SKAP2: variants seen among roughly 807,000 people sequenced by gnomAD.
The protein encoded by SKAP2 is src kinase-associated phosphoprotein 2.
SKAP2 carries 28 observed loss-of-function variants against 54.9 expected under a neutral mutation model. The observed-to-expected ratio is 0.51, with a 90% CI of 0.38 to 0.70. The LOEUF is 0.70. Among genes scored for constraint, SKAP2 ranks in the 30% least tolerant of loss-of-function variants. SKAP2 has a pLI of 0.00. For synonymous variants in SKAP2, 137 were observed against 134.3 expected (o/e 1.02, Z -0.14); for missense variants, 356 against 424.1 (o/e 0.84, Z 1.41).
At chr7:26,741,568 A>T (rs948051202) in intron 4 of SKAP2, among the ~76,000 whole-genome samples, 21 of 116,646 alleles carry the variant, frequency 1.8e-4, no homozygotes, top group African/African-American at 5.5e-4. Context: ...ATAAATAAAT[A>T]AATAAATAAA....
rs367595526 is a variant in SKAP2 at position 26,821,709 on chromosome 7, A to G, written c.307+22321T>C. ...TTCCACTTTCTTTATAGATAATATC[A>G]CCTCCCTGAGAAAAGAATCTAAGTA... On this transcript the variant is annotated intron_variant, in intron 4 of 12. Transcript: ENST00000345317. 9.9e-5 allele frequency among the ~76,000 whole-genome samples: 15 copies of G among 152,148 alleles called. 1 individual carries two copies. The highest frequency in any genetic ancestry group is 3.6e-4 in the African/African-American group (15 of 41,498).
chr7:26,806,644 G>A (rs1374238317), intron 4 of SKAP2, among the ~76,000 whole-genome samples: 1 of 152,144 alleles, frequency 6.6e-6, no homozygotes, highest in Non-Finnish European at 1.5e-5. Context: ...AGTCATTGAA[G>A]GTAAATACAA....
At chr7:26,715,154 G>A (rs1787402238) in intron 9 of SKAP2, among the ~76,000 whole-genome samples, 1 of 151,856 alleles carries the variant, frequency 6.6e-6, no homozygotes. Flanking sequence ...ACAAATATTA[G>A]CATTTTAATT....
chr7:26,852,930 T>C (rs1351420282), intron 3 of SKAP2, among the ~76,000 whole-genome samples: 1 of 152,208 alleles, frequency 6.6e-6, no homozygotes, highest in Non-Finnish European at 1.5e-5. Flanking sequence ...AATGCATAAA[T>C]TCATTTATAC....
At chr7:26,704,718 A>T (rs942403796) in intron 9 of SKAP2, among the ~76,000 whole-genome samples, 1 of 152,196 alleles carries the variant, frequency 6.6e-6, no homozygotes, top group Non-Finnish European at 1.5e-5. Context: ...TAGAACCTGC[A>T]GGGGGAAGAA....
chr7:26,758,714 A>C (rs990438363), intron 4 of SKAP2, among the ~76,000 whole-genome samples: 4 of 152,252 alleles, frequency 2.6e-5, no homozygotes, highest in Non-Finnish European at 4.4e-5. Context: ...AAATTAAAGG[A>C]ACATATTTTC....
chr7:26,711,759 T>C (rs761551997), intron 9 of SKAP2, among the ~76,000 whole-genome samples: 1 of 152,184 alleles, frequency 6.6e-6, no homozygotes, highest in Non-Finnish European at 1.5e-5. Context: ...AGGGATTAAT[T>C]TGACCATGTT....
intron 3 of SKAP2, among the ~76,000 whole-genome samples, chr7:26,852,060 C>T (rs989819239): frequency 6.6e-6 from 1 of 151,964 alleles, no homozygotes; most frequent in African/African-American, 2.4e-5. Context: ...CACAATGTGA[C>T]CCTACATTGA....
intron 4 of SKAP2, among the ~76,000 whole-genome samples, chr7:26,805,131 T>C (rs972555971): frequency 3.3e-5 from 5 of 152,140 alleles, no homozygotes; most frequent in Non-Finnish European, 7.4e-5. Context: ...TAGAGGCTGA[T>C]GTGGGAGGTT....
At chr7:26,706,685 A>T (rs6461962) in intron 9 of SKAP2, among the ~76,000 whole-genome samples, 124,363 of 152,192 alleles carry the variant, frequency 0.82, 51,447 homozygotes, top group African/African-American at 0.95. Flanking sequence ...TACAAATGAA[A>T]AGTGCAAAAA....
chr7:26,840,269 G>A (rs1346361061), intron 4 of SKAP2, among the ~76,000 whole-genome samples: 1 of 152,030 alleles, frequency 6.6e-6, no homozygotes, highest in Non-Finnish European at 1.5e-5. Flanking sequence ...TATGGTCTAG[G>A]ACTGAATCAG....
At chr7:26,791,850 C>T (rs1783679004) in intron 4 of SKAP2, among the ~76,000 whole-genome samples, 1 of 152,114 alleles carries the variant, frequency 6.6e-6, no homozygotes, top group Admixed American at 6.5e-5. Context: ...CAATTCCACT[C>T]CATAGAGATT....
At chr7:26,707,305 A>T (rs1471896126) in intron 9 of SKAP2, among the ~76,000 whole-genome samples, 2 of 152,024 alleles carry the variant, frequency 1.3e-5, no homozygotes, top group African/African-American at 2.4e-5. Flanking sequence ...CGCTGCAGTG[A>T]GCCAAGATCA....
At chr7:26,724,040 A>G (rs1265398888) in intron 9 of SKAP2, among the ~76,000 whole-genome samples, 2 of 152,124 alleles carry the variant, frequency 1.3e-5, no homozygotes, top group Admixed American at 1.3e-4. Flanking sequence ...GGGTTAATAA[A>G]CATGTAGCTC....
intron 4 of SKAP2, among the ~76,000 whole-genome samples, chr7:26,790,488 C>T (rs1344168000): frequency 6.6e-6 from 1 of 152,114 alleles, no homozygotes; most frequent in African/African-American, 2.4e-5. Context: ...TATTTAAGAA[C>T]AAACCAGTTT....
At chr7:26,694,764 C>G (rs781321736) in intron 9 of SKAP2, among the ~76,000 whole-genome samples, 18 of 151,860 alleles carry the variant, frequency 1.2e-4, no homozygotes, top group Non-Finnish European at 2.1e-4. Context: ...TGAGTCTTCC[C>G]AAATCTTTTT....
chr7:26,774,721 A>G (rs1783265847), intron 4 of SKAP2, among the ~76,000 whole-genome samples: 1 of 152,158 alleles, frequency 6.6e-6, no homozygotes, highest in African/African-American at 2.4e-5. Context: ...TTCAAGATAC[A>G]CTATAAATAG....
At chr7:26,811,694 C>T (rs1584403944) in intron 4 of SKAP2, among the ~76,000 whole-genome samples, 1 of 152,116 alleles carries the variant, frequency 6.6e-6, no homozygotes, top group East Asian at 1.9e-4. Flanking sequence ...AGAAAACTGT[C>T]TTTTGTTATG....
chr7:26,724,928 A>T (rs1378945137), intron 9 of SKAP2, among the ~76,000 whole-genome samples: 2 of 152,078 alleles, frequency 1.3e-5, no homozygotes, highest in African/African-American at 4.8e-5. Context: ...TTGAAGCCTC[A>T]AAAGGCCTTT....
Sources: allele counts gnomAD v4.1 joint callset (sites outside exome capture counted in the v4.1 genomes callset), GRCh38; gene constraint gnomAD v4.1.1; transcripts MANE v1.5; gene names NCBI Gene and HGNC (gene_info 2026-07-23, HGNC 2026-07-21).